The following STON2 variants were observed in gnomAD, a reference collection of about 807,000 sequenced individuals.
STON2 encodes stonin-2.
STON2 carries 29 observed loss-of-function variants against 65.7 expected under a neutral mutation model. That is an observed-to-expected ratio of 0.44 (90% CI 0.33 to 0.60). The LOEUF is 0.60. STON2 is among the 20% of genes least tolerant of loss of function. The pLI is 0.03. For missense variants in STON2, 1,054 were observed against 1,118.1 expected (o/e 0.94, Z 0.82); for synonymous variants, 404 against 414.2 (o/e 0.98, Z 0.30).
At chr14:81,328,695 G>C (rs1250399297) in intron 4 of STON2, among the ~76,000 whole-genome samples, 1 of 152,116 alleles carries the variant, frequency 6.6e-6, no homozygotes, top group African/African-American at 2.4e-5. Context: ...ATGGGTAATG[G>C]GGTGGATGCC....
At chr14:81,369,961 G>C (rs1250591167) in intron 4 of STON2, among the ~76,000 whole-genome samples, 1 of 152,160 alleles carries the variant, frequency 6.6e-6, no homozygotes, top group African/African-American at 2.4e-5. Context: ...AGAACTGAAG[G>C]AGTGTCTGTG....
chr14:81,378,541 G>A (rs1470157163), intron 3 of STON2, among the ~76,000 whole-genome samples: 1 of 152,144 alleles, frequency 6.6e-6, no homozygotes, highest in Non-Finnish European at 1.5e-5. Context: ...GTTGGCTGTG[G>A]TTTGAAAATA....
Position 81,260,964 on chromosome 14 carries a change from A to G in STON2, c.*7450T>C, listed in dbSNP as rs1407547745. The G allele has an allele frequency of 6.6e-6, 1 of 152,186 alleles. No homozygotes were observed. The highest frequency in any genetic ancestry group is 2.4e-5 in the African/African-American group (1 of 41,446). 9.4% of individuals were successfully genotyped at this position (152,186 alleles called of 1,614,324 possible). The stretch of plus-strand genomic sequence containing the variant: ...ACTGAAATTTATTACAGACATTACA[A>G]GAATGGAGGGTGAGGAATGGTGCTT... On this transcript the variant is annotated 3_prime_UTR_variant, in exon 8 of 8. Coordinates refer to ENST00000614646, the MANE Select transcript of STON2 (RefSeq NM_001394390.1).
At position 81,267,229 on chromosome 14, in the gene STON2, G is replaced by A. The variant is rs985528471; in HGVS notation, c.*1185C>T. 2 of 985,262 alleles carry A rather than the reference G, an allele frequency of 2.0e-6. No individual in the cohort carries two copies. The highest frequency in any genetic ancestry group is 3.5e-5 in the African/African-American group (2 of 57,228). The allele number at this position is 985,262 out of a possible 1,614,324, so 61.0% of individuals were successfully genotyped here. On this transcript the variant is annotated 3_prime_UTR_variant, in exon 8 of 8. Coordinates refer to ENST00000614646, the MANE Select transcript of STON2 (RefSeq NM_001394390.1). Reference sequence around the variant, plus strand: ...TGTCCCAGAAACAGATGAAGAAAAAGAAGATGGAGTGAGCGTTCTGACTCT... The same window carrying A: ...TGTCCCAGAAACAGATGAAGAAAAAAAAGATGGAGTGAGCGTTCTGACTCT...
At chr14:81,425,080 A>G (rs1183225080) in intron 2 of STON2, among the ~76,000 whole-genome samples, 1 of 152,214 alleles carries the variant, frequency 6.6e-6, no homozygotes, top group East Asian at 1.9e-4. Flanking sequence ...TATAAACCAT[A>G]AATGCAAATA....
intron 4 of STON2, among the ~76,000 whole-genome samples, chr14:81,370,740 A>G: frequency 6.6e-6 from 1 of 152,262 alleles, no homozygotes. Context: ...AGAAAACAAC[A>G]TATTAAGATA....
At chr14:81,289,503 C>T (rs1392865864) in intron 5 of STON2, among the ~76,000 whole-genome samples, 1 of 152,156 alleles carries the variant, frequency 6.6e-6, no homozygotes. Flanking sequence ...TAGCTGAAGA[C>T]AGCTGTTCTA....
intron 2 of STON2, among the ~76,000 whole-genome samples, chr14:81,426,682 C>T (rs1176402245): frequency 6.6e-6 from 1 of 152,188 alleles, no homozygotes; most frequent in Non-Finnish European, 1.5e-5. Flanking sequence ...CCCGAAACAT[C>T]GAGTCATCCA....
intron 1 of STON2, among the ~76,000 whole-genome samples, chr14:81,434,185 T>A (rs146013363): frequency 0.013 from 1,933 of 152,286 alleles, 26 homozygotes; most frequent in South Asian, 0.043. Flanking sequence ...ATAATAAAAT[T>A]AAAAATTCAA....
chr14:81,287,311 A>T (rs1237875383), intron 5 of STON2, among the ~76,000 whole-genome samples: 1 of 152,226 alleles, frequency 6.6e-6, no homozygotes, highest in African/African-American at 2.4e-5. Flanking sequence ...AGGACGCCAG[A>T]GGATAAGTGT....
At chr14:81,385,437 A>G (rs1047296589) in intron 3 of STON2, among the ~76,000 whole-genome samples, 5 of 152,156 alleles carry the variant, frequency 3.3e-5, no homozygotes, top group Non-Finnish European at 5.9e-5. Context: ...GTATGTGTGT[A>G]TGTATCTATG....
chr14:81,432,145 G>A (rs1902250260), intron 1 of STON2, among the ~76,000 whole-genome samples: 1 of 152,016 alleles, frequency 6.6e-6, no homozygotes, highest in African/African-American at 2.4e-5. Context: ...CCTAGGTAGA[G>A]TTCAAATTTG....
In STON2 at chr14:81,286,227, C is replaced by T. The variant is rs149665558; in HGVS notation, c.743-7488G>A. On this transcript the variant is annotated intron_variant, in intron 5 of 7. Transcript: ENST00000614646. ...TACATAAACTTAGTTGATAAAGCAG[C>T]AGCAGGATTTGAGAGGATTGACTCC... 6.3e-3 allele frequency among the ~76,000 whole-genome samples: 963 copies of T among 152,238 alleles called. 4 individuals carry two copies. Among genetic ancestry groups the T allele is most frequent in the Non-Finnish European group, 0.01 (705 of 68,024 alleles).
In STON2 at chr14:81,396,076, G is replaced by C. The variant is rs1208067426; in HGVS notation, c.191C>G (p.Ser64Cys). The C allele has an allele frequency of 6.2e-7, 1 of 1,614,028 alleles. No individual in the cohort carries two copies. The highest frequency in any genetic ancestry group is 8.5e-7 in the Non-Finnish European group (1 of 1,180,036). Residue 64 changes from serine (S) to cysteine (C), a missense_variant, in exon 3 of 8, where the codon TCC (serine) becomes TGC (cysteine). Ser to Cys is a moderately radical substitution (Grantham distance 112). Transcript: ENST00000614646. ...HVVDGGSQDH[S>C]HSEQDDSSEK... ...AGAGGAGTCATCCTGCTCCGAGTGG[G>C]AATGGTCTTGAGAGCCTCCATCCAC... is the stretch of plus-strand genomic sequence containing the variant.
In STON2 at chr14:81,263,057, G is replaced by A. The variant is rs1354551301; in HGVS notation, c.*5357C>T. On this transcript the variant is annotated 3_prime_UTR_variant, in exon 8 of 8. Transcript: ENST00000614646. ...GTCGTCATGGTTTGAATGGGACTTA[G>A]TAGTAAAGTGTGTGAGACAGTGCAT... The A allele has an allele frequency of 2.0e-6, 2 of 985,170 alleles. No homozygotes were observed. Among genetic ancestry groups the A allele is most frequent in the African/African-American group, 3.5e-5 (2 of 57,238 alleles). The allele number at this position is 985,170 out of a possible 1,614,324, so 61.0% of individuals were successfully genotyped here. A position where few individuals can be genotyped will look rare whatever the true frequency, so the allele number is the denominator to read the frequency against.
chr14:81,344,151 C>G (rs1425086648), intron 4 of STON2, among the ~76,000 whole-genome samples: 1 of 152,070 alleles, frequency 6.6e-6, no homozygotes, highest in African/African-American at 2.4e-5. Flanking sequence ...ACACATCTAT[C>G]ATAAAAGAAA....
chr14:81,353,848 T>A (rs1215108342), intron 4 of STON2, among the ~76,000 whole-genome samples: 1 of 152,150 alleles, frequency 6.6e-6, no homozygotes, highest in East Asian at 1.9e-4. Flanking sequence ...TAGCTCTGTG[T>A]ACTTGACAGT....
At chr14:81,325,789 T>C (rs1896984873) in intron 4 of STON2, among the ~76,000 whole-genome samples, 1 of 152,180 alleles carries the variant, frequency 6.6e-6, no homozygotes, top group South Asian at 2.1e-4. Context: ...AGGTCTAAAA[T>C]ACTGGATTAC....
chr14:81,396,502 T>C (rs983172946), intron 2 of STON2, among the ~76,000 whole-genome samples: 6 of 152,126 alleles, frequency 3.9e-5, no homozygotes, highest in Non-Finnish European at 5.9e-5. Context: ...AAGTAGGAAA[T>C]ATACCTGAGT....
Sources: allele counts gnomAD v4.1 joint callset (sites outside exome capture counted in the v4.1 genomes callset), GRCh38; gene constraint gnomAD v4.1.1; transcripts MANE v1.5; gene names NCBI Gene and HGNC (gene_info 2026-07-23, HGNC 2026-07-21).